Variants in ELOVL7 observed in about 807,000 individuals in gnomAD.
ELOVL7 encodes very long chain fatty acid elongase 7.
In ELOVL7, 27 loss-of-function variants were observed where a neutral mutation model predicts 35.7. The ratio of observed to expected loss-of-function variants is 0.76; its 90% CI spans 0.56 to 1.04. The LOEUF is 1.04. ELOVL7 is among the 50% of genes least tolerant of loss of function. The pLI, the probability that ELOVL7 is intolerant of heterozygous loss-of-function variation, is 0.00. For synonymous variants in ELOVL7, 113 were observed against 114.6 expected (o/e 0.99, Z 0.09); for missense variants, 327 against 340.8 (o/e 0.96, Z 0.32).
chr5:60,812,260 AAAG>A (rs1745278597), intron 1 of ELOVL7, among the ~76,000 whole-genome samples: 1 of 152,170 alleles, frequency 6.6e-6, no homozygotes, highest in Non-Finnish European at 1.5e-5. Context: ...AAGGAAATAT[AAAG>A]AATAAAATGT....
At chr5:60,791,750 C>G (rs1382531170) in intron 2 of ELOVL7, among the ~76,000 whole-genome samples, 1 of 152,140 alleles carries the variant, frequency 6.6e-6, no homozygotes, top group Non-Finnish European at 1.5e-5. Flanking sequence ...TCCCCCTCAC[C>G]TTAACCACTG....
At chr5:60,809,263 G>T (rs1745115649) in intron 1 of ELOVL7, among the ~76,000 whole-genome samples, 1 of 152,128 alleles carries the variant, frequency 6.6e-6, no homozygotes, top group African/African-American at 2.4e-5. Context: ...GAGTGAATAT[G>T]GATGAAGAAA....
intron 7 of ELOVL7, among the ~76,000 whole-genome samples, chr5:60,761,521 G>C (rs954480276): frequency 2.6e-5 from 4 of 152,222 alleles, no homozygotes; most frequent in African/African-American, 9.6e-5. Flanking sequence ...ATAGGTATCA[G>C]GTCTGCTGAA....
chr5:60,783,260 C>T (rs969453658), intron 3 of ELOVL7, among the ~76,000 whole-genome samples: 3 of 152,180 alleles, frequency 2.0e-5, no homozygotes, highest in Non-Finnish European at 4.4e-5. Flanking sequence ...ACGCAATTGT[C>T]AAATTCATTT....
chr5:60,782,461 C>A (rs1046667984), intron 3 of ELOVL7, among the ~76,000 whole-genome samples: 1 of 152,190 alleles, frequency 6.6e-6, no homozygotes, highest in East Asian at 1.9e-4. Context: ...ATGTTCACTG[C>A]AGCATTATTC....
At chr5:60,790,311 G>A (rs1319188215) in intron 2 of ELOVL7, among the ~76,000 whole-genome samples, 2 of 152,158 alleles carry the variant, frequency 1.3e-5, no homozygotes, top group African/African-American at 4.8e-5. Context: ...TGGGCTGAAG[G>A]AATGGAAGAA....
intron 2 of ELOVL7, among the ~76,000 whole-genome samples, chr5:60,792,135 T>C (rs1369509940): frequency 6.6e-6 from 1 of 152,066 alleles, no homozygotes; most frequent in East Asian, 1.9e-4. Context: ...GTAGATGTCA[T>C]CAAAGCCAGC....
chr5:60,758,712 G>T (rs909428904), intron 7 of ELOVL7, among the ~76,000 whole-genome samples: 1 of 152,190 alleles, frequency 6.6e-6, no homozygotes, highest in Non-Finnish European at 1.5e-5. Flanking sequence ...AAGGGGAAAC[G>T]GTGTTTAGCT....
At chr5:60,781,952 T>C (rs1249445166) in intron 3 of ELOVL7, among the ~76,000 whole-genome samples, 2 of 152,238 alleles carry the variant, frequency 1.3e-5, no homozygotes, top group African/African-American at 2.4e-5. Flanking sequence ...ACTGTTATTA[T>C]AGCAGATCTC....
chr5:60,809,084 T>C (rs1439944362), intron 1 of ELOVL7, among the ~76,000 whole-genome samples: 1 of 152,162 alleles, frequency 6.6e-6, no homozygotes, highest in Non-Finnish European at 1.5e-5. Context: ...TGTTGACAAT[T>C]TTTGAGAATG....
chr5:60,803,159 A>G (rs939852560), intron 1 of ELOVL7, among the ~76,000 whole-genome samples: 1 of 152,202 alleles, frequency 6.6e-6, no homozygotes, highest in Non-Finnish European at 1.5e-5. Flanking sequence ...AACAGCAACA[A>G]CAACAACACT....
intron 1 of ELOVL7, among the ~76,000 whole-genome samples, chr5:60,836,557 C>G (rs1746809055): frequency 6.6e-6 from 1 of 152,036 alleles, no homozygotes; most frequent in Admixed American, 6.5e-5. Flanking sequence ...CACTGTCTGC[C>G]TGAAGAAGGT....
chr5:60,794,618 C>T (rs1317041010), intron 2 of ELOVL7, among the ~76,000 whole-genome samples: 2 of 152,358 alleles, frequency 1.3e-5, no homozygotes, highest in East Asian at 3.9e-4. Context: ...ATTGGAGACA[C>T]TGTACCTGAG....
chr5:60,819,936 C>T (rs889373838), intron 1 of ELOVL7, among the ~76,000 whole-genome samples: 2 of 152,080 alleles, frequency 1.3e-5, no homozygotes, highest in African/African-American at 4.8e-5. Flanking sequence ...ATGTATAGAC[C>T]TTAAAATAGG....
In ELOVL7 at chr5:60,818,625, AAGCTAT is replaced by A. The variant is rs1329874169; in HGVS notation, c.-85-19401_-85-19396del. ...TACTGAGAACTTGGTACGGGGCTTG[AAGCTAT>A]AGCTTACTAAAAACAGATAATTCGC... On this transcript the variant is annotated intron_variant, in intron 1 of 8. Transcript: ENST00000508821. Among the ~76,000 whole-genome samples the A allele has an allele frequency of 2.6e-5, 4 of 152,282 alleles. No homozygotes were observed. In the East Asian group the frequency reaches 7.7e-4, roughly 30 times the overall value.
intron 2 of ELOVL7, among the ~76,000 whole-genome samples, chr5:60,791,493 T>C (rs1302825120): frequency 6.6e-6 from 1 of 152,152 alleles, no homozygotes; most frequent in Non-Finnish European, 1.5e-5. Flanking sequence ...ACTATACCCT[T>C]GTAAGAAACC....
chr5:60,764,386 G>A, intron 6 of ELOVL7, 54 bp from the exon 7 acceptor site: 3 of 1,344,612 alleles, frequency 2.2e-6, no homozygotes, highest in Middle Eastern at 3.6e-4. Context: ...ATAGTGTATT[G>A]AGTATTATAA....
intron 1 of ELOVL7, among the ~76,000 whole-genome samples, chr5:60,826,987 C>A (rs1046987840): frequency 1.3e-5 from 2 of 152,112 alleles, no homozygotes; most frequent in Admixed American, 6.5e-5. Context: ...TGTCTCAATT[C>A]TCTTTAACAA....
At chr5:60,830,748 G>A (rs1746437523) in intron 1 of ELOVL7, among the ~76,000 whole-genome samples, 1 of 151,542 alleles carries the variant, frequency 6.6e-6, no homozygotes, top group African/African-American at 2.4e-5. Flanking sequence ...TCAGACTGTT[G>A]TGCAACCATC....
Sources: allele counts gnomAD v4.1 joint callset (sites outside exome capture counted in the v4.1 genomes callset), GRCh38; gene constraint gnomAD v4.1.1; transcripts MANE v1.5; gene names NCBI Gene and HGNC (gene_info 2026-07-23, HGNC 2026-07-21).